Variants in SERINC5 observed in about 807,000 individuals in gnomAD.
SERINC5 encodes chromosome 5 open reading frame 12.
Under a neutral mutation model 63.1 loss-of-function variants are expected in SERINC5, and 41 were observed. The observed-to-expected ratio is 0.65, with a 90% CI of 0.51 to 0.84. The LOEUF is 0.84. SERINC5 is among the 40% of genes least tolerant of loss of function. SERINC5 has a pLI of 0.00. For synonymous variants in SERINC5, 222 were observed against 215.2 expected, an observed-to-expected ratio of 1.03 and a Z score of -0.28; for missense variants, 523 against 573.0, an observed-to-expected ratio of 0.91 and a Z score of 0.89.
At chr5:80,199,189 T>C (rs1164837966) in intron 2 of SERINC5, among the ~76,000 whole-genome samples, 1 of 152,112 alleles carries the variant, frequency 6.6e-6, no homozygotes, top group African/African-American at 2.4e-5. Context: ...CTCTCCCTCC[T>C]CTCTAGTCAC....
At chr5:80,170,395 G>C (rs1404604480) in intron 5 of SERINC5, among the ~76,000 whole-genome samples, 1 of 152,120 alleles carries the variant, frequency 6.6e-6, no homozygotes, top group Admixed American at 6.5e-5. Flanking sequence ...CGGGTTGCAT[G>C]GGGCCTTTTG....
intron 1 of SERINC5, among the ~76,000 whole-genome samples, chr5:80,241,082 C>G (rs2112590035): frequency 6.6e-6 from 1 of 152,258 alleles, no homozygotes; most frequent in South Asian, 2.1e-4. Flanking sequence ...GATCTGCCTA[C>G]CTAGCGATTG....
intron 1 of SERINC5, among the ~76,000 whole-genome samples, chr5:80,241,490 T>A (rs186600142): frequency 9.9e-5 from 15 of 151,120 alleles, no homozygotes; most frequent in African/African-American, 3.7e-4. Flanking sequence ...GAAGAAGAAA[T>A]AAAAAGGCAT....
chr5:80,243,157 G>A (rs761898036), intron 1 of SERINC5, among the ~76,000 whole-genome samples: 8 of 152,070 alleles, frequency 5.3e-5, no homozygotes, highest in Non-Finnish European at 1.2e-4. Flanking sequence ...GAGTCCCAGG[G>A]GGTGGCCCCT....
In SERINC5 at chr5:80,252,630, TG is replaced by T. The variant is rs530534524; in HGVS notation, c.27+3265del. Reference sequence around the variant, plus strand: ...GATCTGGATATTATCCTGATGCAGATGGGTAATGGCCACTAATAAGATTTGG... The same window carrying T: ...GATCTGGATATTATCCTGATGCAGATGGTAATGGCCACTAATAAGATTTGG... On this transcript the variant is annotated intron_variant, in intron 1 of 11. Transcript: ENST00000507668. Among the ~76,000 whole-genome samples, 29 of 152,352 alleles carry T rather than the reference TG, an allele frequency of 1.9e-4. 1 individual carries two copies. The South Asian group carries it at 4.8e-3, about 25-fold the overall frequency.
At chr5:80,222,561 A>AGTGTGTGTGT (rs752186814) in intron 1 of SERINC5, among the ~76,000 whole-genome samples, 3,672 of 146,228 alleles carry the variant, frequency 0.025, 108 homozygotes, top group African/African-American at 0.067. Flanking sequence ...TGAGTGTGTG[A>AGTGTGTGTGT]GTGTGTGAGT....
Position 80,151,064 on chromosome 5 carries a change from A to G in SERINC5, c.987-116T>C, listed in dbSNP as rs886335455. 5.2e-6 allele frequency: 4 copies of G among 765,060 alleles called. No individual in the cohort carries two copies. The African/African-American group carries it at 6.9e-5, about 13-fold the overall frequency. 47.4% of individuals were successfully genotyped at this position (765,060 alleles called of 1,614,324 possible). Reference sequence around the variant, plus strand: ...AGAGCCTCAATGTAACCTACCGTTCAGGAGACTTAAATCAAAGCAATCTAT... The same window carrying G: ...AGAGCCTCAATGTAACCTACCGTTCGGGAGACTTAAATCAAAGCAATCTAT... On this transcript the variant is annotated intron_variant, in intron 8 of 11. Transcript: ENST00000507668.
chr5:80,121,089 G>T (rs1350823337), intron 11 of SERINC5, among the ~76,000 whole-genome samples: 1 of 152,126 alleles, frequency 6.6e-6, no homozygotes, highest in African/African-American at 2.4e-5. Context: ...GTTTCTCCAT[G>T]TTGGTCAGGC....
chr5:80,149,732 T>G (rs1479565617), intron 9 of SERINC5, among the ~76,000 whole-genome samples: 1 of 152,238 alleles, frequency 6.6e-6, no homozygotes, highest in Admixed American at 6.5e-5. Context: ...AGCACGTCAC[T>G]GGGTTTTTAT....
At chr5:80,200,243 T>G (rs1286096643) in intron 2 of SERINC5, among the ~76,000 whole-genome samples, 1 of 151,336 alleles carries the variant, frequency 6.6e-6, no homozygotes, top group South Asian at 2.1e-4. Context: ...TTTGGGAGGC[T>G]GAGGCAGGCG....
At chr5:80,129,152 G>A (rs560163788) in intron 11 of SERINC5, 1 of 152,354 alleles carries the variant, frequency 6.6e-6, no homozygotes, top group African/African-American at 2.4e-5. Context: ...CCCAAAATAT[G>A]AAGGAGGGAA....
At chr5:80,215,331 G>A (rs1750614773) in intron 1 of SERINC5, among the ~76,000 whole-genome samples, 1 of 152,052 alleles carries the variant, frequency 6.6e-6, no homozygotes, top group Non-Finnish European at 1.5e-5. Flanking sequence ...CTTGTCTTCC[G>A]CCATGATTGG....
At chr5:80,250,639 A>G (rs1752369746) in intron 1 of SERINC5, among the ~76,000 whole-genome samples, 2 of 152,168 alleles carry the variant, frequency 1.3e-5, no homozygotes, top group African/African-American at 4.8e-5. Context: ...AATCATCATT[A>G]TTGTATGTGG....
At chr5:80,190,399 T>C (rs1223008354) in intron 2 of SERINC5, among the ~76,000 whole-genome samples, 1 of 151,982 alleles carries the variant, frequency 6.6e-6, no homozygotes, top group Non-Finnish European at 1.5e-5. Flanking sequence ...GACATGAGCA[T>C]ATAATTTGTA....
At chr5:80,208,371 TAAA>T (rs5869025) in intron 1 of SERINC5, among the ~76,000 whole-genome samples, 3 of 138,922 alleles carry the variant, frequency 2.2e-5, no homozygotes, top group African/African-American at 2.7e-5. Context: ...AAAACTGCTC[TAAA>T]AAAAAAAAAA....
At chr5:80,117,769 G>A (rs1457837822) in intron 11 of SERINC5, among the ~76,000 whole-genome samples, 1 of 151,864 alleles carries the variant, frequency 6.6e-6, no homozygotes, top group East Asian at 1.9e-4. Flanking sequence ...AAAGGATCTA[G>A]GGGGTGATCT....
chr5:80,152,491 CAAAAA>C (rs199692612), intron 8 of SERINC5, among the ~76,000 whole-genome samples: 1 of 100,032 alleles, frequency 1.0e-5, no homozygotes, highest in Non-Finnish European at 2.3e-5. Context: ...GACCCTGTCT[CAAAAA>C]AAAAAAAAAA....
chr5:80,127,942 C>A (rs1744806310), intron 11 of SERINC5, among the ~76,000 whole-genome samples: 1 of 151,518 alleles, frequency 6.6e-6, no homozygotes, highest in Admixed American at 6.6e-5. Context: ...AAAAGTTTAA[C>A]CTTACAAATT....
chr5:80,218,885 C>A (rs954074684), intron 1 of SERINC5, among the ~76,000 whole-genome samples: 2 of 152,094 alleles, frequency 1.3e-5, no homozygotes, highest in Non-Finnish European at 2.9e-5. Context: ...ACCCATTCCA[C>A]TGCCCAGTAA....
Sources: gnomAD v4.1 joint callset for allele counts (sites outside exome capture counted in the v4.1 genomes callset) on GRCh38, gnomAD v4.1.1 for gene constraint, MANE v1.5 for transcripts, NCBI Gene and HGNC (gene_info 2026-07-23, HGNC 2026-07-21) for gene names.